Variants in CHID1 observed in about 807,000 individuals in gnomAD.
CHID1 encodes chitinase domain containing 1, also known as chitinase domain-containing protein 1.
A neutral mutation model predicts 55.4 loss-of-function variants in CHID1; 44 were observed. The ratio of observed to expected loss-of-function variants is 0.79; its 90% CI spans 0.62 to 1.02. The LOEUF (loss-of-function observed/expected upper bound fraction) is 1.02. Ranked by LOEUF, CHID1 falls within the 50% of genes least tolerant of loss-of-function variation. CHID1 has a pLI of 0.00. For missense variants in CHID1, 491 were observed against 515.3 expected (o/e 0.95, Z 0.46); for synonymous variants, 216 against 212.9 (o/e 1.01, Z -0.13).
chr11:914,506 G>A, upstream of CHID1: 1 of 1,287,868 alleles, frequency 7.8e-7, no homozygotes, highest in Non-Finnish European at 1.0e-6. Context: ...CCTGCTTTAG[G>A]AGACCCCATG....
chr11:898,075 G>C (rs1289312275), intron 7 of CHID1, among the ~76,000 whole-genome samples: 1 of 152,182 alleles, frequency 6.6e-6, no homozygotes, highest in East Asian at 1.9e-4. Flanking sequence ...GCCACTCACA[G>C]GGGCAGGGCC....
At chr11:876,736 G>C (rs951956477) in intron 10 of CHID1, among the ~76,000 whole-genome samples, 8 of 152,246 alleles carry the variant, frequency 5.3e-5, no homozygotes, top group Non-Finnish European at 1.2e-4. Context: ...ATGCACGTGT[G>C]AGCGAGTCTT....
At chr11:879,214 A>G (rs1206322537) in intron 10 of CHID1, among the ~76,000 whole-genome samples, 1 of 150,746 alleles carries the variant, frequency 6.6e-6, no homozygotes, top group Non-Finnish European at 1.5e-5. Context: ...CTGGTCTTGA[A>G]CTCTTGACTT....
Position 910,802 on chromosome 11 carries a change from C to A in CHID1, c.-71G>T. The A allele has an allele frequency of 9.0e-7, 1 of 1,112,652 alleles. No homozygotes were observed. Among genetic ancestry groups the A allele is most frequent in the Non-Finnish European group, 1.1e-6 (1 of 904,454 alleles). The allele number at this position is 1,112,652 out of a possible 1,614,324, so 68.9% of individuals were successfully genotyped here. On this transcript the variant is annotated 5_prime_UTR_variant, in exon 1 of 13. Transcript: ENST00000323578. Reference sequence around the variant, plus strand: ...GCATGTCAGGGAGGCCGGACGGCCACAAACGCACGGCCGGAAAACGCTCCA... The same window carrying A: ...GCATGTCAGGGAGGCCGGACGGCCAAAAACGCACGGCCGGAAAACGCTCCA...
upstream of CHID1, chr11:914,531 T>A: frequency 7.8e-7 from 1 of 1,289,342 alleles, no homozygotes; most frequent in Non-Finnish European, 1.0e-6. Context: ...ACCTGGGATA[T>A]TCCTGGGTCC....
chr11:907,298 G>A (rs1172047774), intron 1 of CHID1, among the ~76,000 whole-genome samples: 1 of 152,114 alleles, frequency 6.6e-6, no homozygotes, highest in Non-Finnish European at 1.5e-5. Context: ...TGGCTAACAC[G>A]GTGAAACCCC....
intron 1 of CHID1, among the ~76,000 whole-genome samples, chr11:909,781 T>C (rs919021417): frequency 2.0e-4 from 30 of 152,216 alleles, no homozygotes; most frequent in Admixed American, 3.3e-4. Context: ...AGTTTTTGAC[T>C]GGTTTTGGCA....
At position 870,210 on chromosome 11, in the gene CHID1, G is replaced by A. The variant is rs755324095; in HGVS notation, c.1041-47C>T. ...AGCCCATCCGCTCTGCTGGTTCCAG[G>A]CCTCCTCCCCTCACAGCCAAGGTCC... On this transcript the variant is annotated intron_variant, in intron 11 of 12. Coordinates refer to ENST00000323578, the MANE Select transcript of CHID1 (RefSeq NM_023947.4). 16 of 1,611,216 alleles carry A rather than the reference G, an allele frequency of 9.9e-6. No individual in the cohort carries two copies. In the Admixed American group the frequency reaches 2.0e-4, roughly 20 times the overall value.
At chr11:870,388 C>T in intron 11 of CHID1, 31 bp downstream of exon 11, 2 of 1,572,582 alleles carry the variant, frequency 1.3e-6, no homozygotes, top group Non-Finnish European at 1.7e-6. Context: ...CACACAAGGC[C>T]AAGGTGGGCC....
rs1298452429 is a variant in CHID1 at position 902,184 on chromosome 11, G to A, written c.394+14C>T. The A allele has an allele frequency of 6.2e-7, 1 of 1,613,404 alleles. No homozygotes were observed. Among genetic ancestry groups the A allele is most frequent in the Non-Finnish European group, 8.5e-7 (1 of 1,179,720 alleles). On this transcript the variant is annotated intron_variant, in intron 4 of 12. Transcript: ENST00000323578. The stretch of plus-strand genomic sequence containing the variant: ...CCTGTGGGGCAAGCACAGTCAAGCA[G>A]GAAGGATGAGAACCTTGGTCCACGT...
intron 1 of CHID1, chr11:908,072 AC>A (rs1437393019): frequency 6.6e-6 from 1 of 152,124 alleles, no homozygotes; most frequent in Admixed American, 6.6e-5. Flanking sequence ...ATGCTTTGGT[AC>A]CCAATACACC....
intron 1 of CHID1, among the ~76,000 whole-genome samples, chr11:909,122 G>C (rs542419777): frequency 1.3e-5 from 2 of 152,304 alleles, no homozygotes. Flanking sequence ...TGATGTGTGA[G>C]GGGTGCTCAC....
chr11:882,423 G>C (rs950037027), intron 10 of CHID1: 3 of 152,268 alleles, frequency 2.0e-5, no homozygotes, highest in Admixed American at 6.5e-5. Context: ...GAAGACAGAA[G>C]AGAAGAAACA....
chr11:903,091 C>A lies in CHID1; in HGVS notation c.132G>T (p.Pro44=). 1 of 1,611,924 alleles carries A rather than the reference C, an allele frequency of 6.2e-7. No homozygotes were observed. Among genetic ancestry groups the A allele is most frequent in the Non-Finnish European group, 8.5e-7 (1 of 1,179,994 alleles). The change falls in exon 3 of 13, where the codon CCG becomes CCT. Residue 44 remains proline, a synonymous_variant. Coordinates refer to ENST00000323578, the MANE Select transcript of CHID1 (RefSeq NM_023947.4). ...LLEKSQFSDK[P]VQDRGLVVTD... is the part of the protein sequence containing the mutation. ...TCACCACCAAACCCCGGTCTTGCAC[C>A]GGCTTATCTGAAAACTGACTCTGAA...
intron 8 of CHID1, among the ~76,000 whole-genome samples, chr11:892,461 T>C (rs535890742): frequency 9.1e-4 from 139 of 152,312 alleles, no homozygotes; most frequent in African/African-American, 3.2e-3. Context: ...GCTCAGGCCA[T>C]GCACGAAGCA....
intron 7 of CHID1, among the ~76,000 whole-genome samples, chr11:894,367 C>T (rs538300792): frequency 1.3e-5 from 2 of 152,218 alleles, no homozygotes; most frequent in Admixed American, 1.3e-4. Flanking sequence ...GCAGTGTTCC[C>T]CAAGGGATGG....
intron 3 of CHID1, 143 bp downstream of exon 3, chr11:902,819 A>AC (rs1474662617): frequency 1.3e-6 from 1 of 754,916 alleles, no homozygotes; most frequent in Non-Finnish European, 2.1e-6. Flanking sequence ...CATCTCTCCC[A>AC]CCGTAGCCTC....
intron 7 of CHID1, among the ~76,000 whole-genome samples, chr11:897,698 C>T (rs1292312606): frequency 6.6e-6 from 1 of 152,228 alleles, no homozygotes; most frequent in Non-Finnish European, 1.5e-5. Context: ...AGCTCCTTGT[C>T]TTCCTGCTGC....
chr11:909,815 A>G (rs929024825), intron 1 of CHID1, among the ~76,000 whole-genome samples: 1 of 152,168 alleles, frequency 6.6e-6, no homozygotes, highest in Non-Finnish European at 1.5e-5. Context: ...TGGTCTCTAC[A>G]AAAAATATTT....
Sources: allele counts gnomAD v4.1 joint callset (sites outside exome capture counted in the v4.1 genomes callset), GRCh38; gene constraint gnomAD v4.1.1; transcripts MANE v1.5; gene names NCBI Gene and HGNC (gene_info 2026-07-23, HGNC 2026-07-21).